The following CLSPN variants were observed in gnomAD, a reference collection of about 807,000 sequenced individuals.
CLSPN encodes claspin, also known as claspin homolog.
Under a neutral mutation model 156.3 loss-of-function variants are expected in CLSPN, and 85 were observed. The observed-to-expected ratio is 0.54, with a 90% confidence interval of 0.46 to 0.65. CLSPN has a LOEUF of 0.65. Among genes scored for constraint, CLSPN ranks in the 30% least tolerant of loss-of-function variants. CLSPN has a pLI of 0.00. For missense variants in CLSPN, 1,407 were observed against 1,554.9 expected (o/e 0.90, Z 1.60); for synonymous variants, 534 against 542.4 (o/e 0.98, Z 0.22).
rs1455422127 is a variant in CLSPN at position 35,751,401 on chromosome 1, T to C, written c.1877A>G (p.Asp626Gly). 1 of 1,613,754 alleles carries C rather than the reference T, an allele frequency of 6.2e-7. No homozygotes were observed. The highest frequency in any genetic ancestry group is 1.3e-5 in the African/African-American group (1 of 74,924). ...TTCCTCCTCCTCTTCCTCAAACCCA[T>C]CTTCATTATCTAATTTAAACAGTGC... is the stretch of plus-strand genomic sequence containing the variant. ...RQALFKLDNE[D>G]GFEEEEEEEE... Residue 626 changes from aspartate (D) to glycine (G), a missense_variant, in exon 10 of 25, where the codon GAT becomes GGT. Physicochemically the swap from Asp to Gly is moderately conservative, Grantham distance 94. Coordinates refer to ENST00000318121, the MANE Select transcript of CLSPN (RefSeq NM_022111.4).
At chr1:35,748,821 T>A in intron 12 of CLSPN, 8 of 85,394 alleles carry the variant, frequency 9.4e-5, no homozygotes, top group African/African-American at 1.2e-4. Context: ...TTGAAAGTTC[T>A]TTTTTTTTTT....
chr1:35,746,147 T>C lies in CLSPN; in HGVS notation c.2855-585A>G, dbSNP rs1641875344. On this transcript the variant is annotated intron_variant, in intron 15 of 24. Coordinates refer to ENST00000318121, the MANE Select transcript of CLSPN (RefSeq NM_022111.4). This position sits in a 1 kb window ranked among gnomAD's most constrained non-coding sequence, Gnocchi z 4.2. ...TTTTAGTAGAGACGGGGTTTCACCGTGCTGCCCAGGCTGGTGGCGAACTCC... is the reference window on the plus strand; with the variant it reads ...TTTTAGTAGAGACGGGGTTTCACCGCGCTGCCCAGGCTGGTGGCGAACTCC... 6.6e-6 allele frequency among the ~76,000 whole-genome samples: 1 copy of C among 151,960 alleles called. No homozygotes were observed. Among genetic ancestry groups the C allele is most frequent in the Non-Finnish European group, 1.5e-5 (1 of 68,004 alleles).
chr1:35,741,649 T>G (rs929545103), intron 18 of CLSPN, among the ~76,000 whole-genome samples: 1 of 152,172 alleles, frequency 6.6e-6, no homozygotes, highest in African/African-American at 2.4e-5. Flanking sequence ...ATAAATATTT[T>G]ACTTTCATGA....
At chr1:35,757,877 A>G (rs183909136) in intron 8 of CLSPN, among the ~76,000 whole-genome samples, 75 of 152,308 alleles carry the variant, frequency 4.9e-4, no homozygotes, top group African/African-American at 1.7e-3. Flanking sequence ...CCTTCTCTCC[A>G]TCTCCAAAGT....
rs376946549 is a variant in CLSPN at position 35,736,941 on chromosome 1, C to T, written c.3882G>A (p.Glu1294=). Residue 1294 remains glutamate (E), a synonymous_variant, in exon 24 of 25, where the codon GAG becomes GAA. Coordinates refer to ENST00000318121, the MANE Select transcript of CLSPN (RefSeq NM_022111.4). ...GAGACTTAGACGATTCCTTTGCCGCCTCAGCCTTGACAGGAGAAAGTGTAT... is the reference window on the plus strand; with the variant it reads ...GAGACTTAGACGATTCCTTTGCCGCTTCAGCCTTGACAGGAGAAAGTGTAT... ...VFHTLSPVKA[E]AAKESSKSQV... 11 of 1,614,112 alleles carry T rather than the reference C, an allele frequency of 6.8e-6. No homozygotes were observed. The highest frequency in any genetic ancestry group is 2.2e-5 in the South Asian group (2 of 91,068).
Position 35,732,818 on chromosome 1 carries a change from C to A in CLSPN, c.*3678G>T. The A allele has an allele frequency of 1.0e-6, 1 of 985,386 alleles. No individual in the cohort carries two copies. The highest frequency in any genetic ancestry group is 1.2e-6 in the Non-Finnish European group (1 of 829,920). The allele number at this position is 985,386 out of a possible 1,614,324, so 61.0% of individuals were successfully genotyped here. Reference sequence around the variant, plus strand: ...GGCATATGGGTCAGATTGAAACTGTCCATGTCAATCCTGTTACCAAGATCA... The same window carrying A: ...GGCATATGGGTCAGATTGAAACTGTACATGTCAATCCTGTTACCAAGATCA... On this transcript the variant is annotated 3_prime_UTR_variant, in exon 25 of 25. Transcript: ENST00000318121.
rs768009330 is a variant in CLSPN, at chr1:35,764,488, A to G, written c.360T>C (p.Tyr120=). The change falls in exon 3 of 25, where the codon TAT becomes TAC. Residue 120 remains tyrosine (Y), a synonymous_variant. Coordinates refer to ENST00000318121, the MANE Select transcript of CLSPN (RefSeq NM_022111.4). ...SDESYMEKSL[Y]QENLEAQVKP... ...TCACTTGCGCTTCAAGATTTTCCTG[A>G]TACAAAGACTTTTCCATGTAACTTT... 3.1e-5 allele frequency: 50 copies of G among 1,613,982 alleles called. No homozygotes were observed. The South Asian group carries it at 4.7e-4, about 15-fold the overall frequency.
intron 5 of CLSPN, 36 bp from the exon 6 acceptor site, chr1:35,762,106 T>C (rs368675974): frequency 8.5e-6 from 12 of 1,408,198 alleles, no homozygotes; most frequent in Non-Finnish European, 1.2e-5. Flanking sequence ...ACATTAATTA[T>C]ATGAATATCC....
rs1190222173 is a variant in CLSPN, at chr1:35,761,103, G to A, written c.997C>T (p.Leu333=). Residue 333 remains leucine, a synonymous_variant, in exon 7 of 25, where the codon CTA becomes TTA. Transcript: ENST00000318121. ...AGGAAAGAGGGTTCTTACTTCAATA[G>A]TGCCATGGCATTTCCGTGGCAAGTG... ...RPTCHGNAMA[L]LKSSKYQSSH... 1 of 1,596,722 alleles carries A rather than the reference G, an allele frequency of 6.3e-7. No individual in the cohort carries two copies.
In CLSPN at chr1:35,754,034, G is replaced by A. The variant is rs80149239; in HGVS notation, c.1580-98C>T. 6.9e-4 allele frequency: 747 copies of A among 1,075,808 alleles called. 2 individuals are homozygous for A. Among genetic ancestry groups the A allele is most frequent in the Non-Finnish European group, 8.0e-4 (608 of 757,152 alleles). 66.6% of individuals were successfully genotyped at this position (1,075,808 alleles called of 1,614,324 possible). A position where few individuals can be genotyped will look rare whatever the true frequency, so the allele number is the denominator to read the frequency against. On this transcript the variant is annotated intron_variant, in intron 8 of 24. Transcript: ENST00000318121. ...GTTTTTTTTAGCTCAACAATTATGAGGGAAACCACACATACACAGAGAAAC... is the reference window on the plus strand; with the variant it reads ...GTTTTTTTTAGCTCAACAATTATGAAGGAAACCACACATACACAGAGAAAC...
At chr1:35,721,133 C>G (rs1359523530) in intron 24 of CLSPN, among the ~76,000 whole-genome samples, 3 of 152,184 alleles carry the variant, frequency 2.0e-5, no homozygotes, top group Admixed American at 1.3e-4. Context: ...CTTTCACCGA[C>G]AATTGAAAGA....
chr1:35,751,405 C>G lies in CLSPN; in HGVS notation c.1873G>C (p.Glu625Gln). ...KRQALFKLDNEDGFEEEEEEE... is the reference protein window; with the variant it reads ...KRQALFKLDNQDGFEEEEEEE... ...TCCTCCTCTTCCTCAAACCCATCTT[C>G]ATTATCTAATTTAAACAGTGCTTGG... Residue 625 changes from glutamate (E) to glutamine (Q), a missense_variant, in exon 10 of 25, where the codon GAA becomes CAA. Around this residue, in one of 3 missense-constraint regions of CLSPN, gnomAD observed 1,096 missense variants for 1,193.0 expected, o/e 0.92. Coordinates refer to ENST00000318121, the MANE Select transcript of CLSPN (RefSeq NM_022111.4). 5 of 1,613,948 alleles carry G rather than the reference C, an allele frequency of 3.1e-6. No homozygotes were observed. Among genetic ancestry groups the G allele is most frequent in the Non-Finnish European group, 3.4e-6 (4 of 1,179,994 alleles).
chr1:35,766,901 C>G (rs773593086), intron 1 of CLSPN, among the ~76,000 whole-genome samples: 11 of 151,550 alleles, frequency 7.3e-5, no homozygotes, highest in African/African-American at 2.7e-4. Flanking sequence ...ATTACAGGTG[C>G]GTGCCACCAT....
chr1:35,743,318 C>A, intron 17 of CLSPN, 77 bp from the exon 18 acceptor site: 1 of 1,367,030 alleles, frequency 7.3e-7, no homozygotes, highest in South Asian at 1.2e-5. Flanking sequence ...TAAACATCTG[C>A]CCAAATACCT....
intron 1 of CLSPN, among the ~76,000 whole-genome samples, chr1:35,766,817 C>T (rs1299014739): frequency 1.1e-4 from 16 of 151,714 alleles, no homozygotes. Flanking sequence ...TGCAATGGCA[C>T]GATCTTGGCT....
chr1:35,754,590 G>A (rs1456714648), intron 8 of CLSPN, among the ~76,000 whole-genome samples: 1 of 152,064 alleles, frequency 6.6e-6, no homozygotes, highest in Non-Finnish European at 1.5e-5. Context: ...CAAATGATCA[G>A]CCCACCTTGG....
At chr1:35,758,012 C>T (rs984453743) in intron 8 of CLSPN, among the ~76,000 whole-genome samples, 1 of 151,450 alleles carries the variant, frequency 6.6e-6, no homozygotes, top group Non-Finnish European at 1.5e-5. Flanking sequence ...TTTTGTTTTT[C>T]TTTTTGTTTT....
In CLSPN at chr1:35,732,590, C is replaced by T. The variant is rs1641343724; in HGVS notation, c.*3906G>A. 3 of 985,326 alleles carry T rather than the reference C, an allele frequency of 3.0e-6. No homozygotes were observed. Among genetic ancestry groups the T allele is most frequent in the Middle Eastern group, 5.2e-4 (1 of 1,936 alleles). 61.0% of individuals were successfully genotyped at this position (985,326 alleles called of 1,614,324 possible). The stretch of plus-strand genomic sequence containing the variant: ...AAGAGGTTAATACCATGTATCCCTA[C>T]TCAAGTGTATGGAACAAGGAAGAAA... On this transcript the variant is annotated 3_prime_UTR_variant, in exon 25 of 25. Coordinates refer to ENST00000318121, the MANE Select transcript of CLSPN (RefSeq NM_022111.4).
Position 35,733,604 on chromosome 1 carries a change from A to T in CLSPN, c.*2892T>A, listed in dbSNP as rs1361988494. The T allele has an allele frequency of 2.0e-6, 2 of 981,660 alleles. No homozygotes were observed. The highest frequency in any genetic ancestry group is 2.4e-6 in the Non-Finnish European group (2 of 829,554). 60.8% of individuals were successfully genotyped at this position (981,660 alleles called of 1,614,324 possible). A position where few individuals can be genotyped will look rare whatever the true frequency, so the allele number is the denominator to read the frequency against. ...CCTTGGGAACTGTTTAGAGAGTTCA[A>T]AGAAAGAGGCAAAAACATGTATCTT... On this transcript the variant is annotated 3_prime_UTR_variant, in exon 25 of 25. Transcript: ENST00000318121.
Sources: gnomAD v4.1 joint callset for allele counts (sites outside exome capture counted in the v4.1 genomes callset) on GRCh38, gnomAD v4.1.1 for gene constraint, gnomAD v4.1.1 regional missense constraint, Gnocchi (gnomAD v3.1) non-coding constraint, MANE v1.5 for transcripts, NCBI Gene and HGNC (gene_info 2026-07-23, HGNC 2026-07-21) for gene names.